Variants in CAMTA1 observed in about 807,000 individuals in gnomAD.
CAMTA1 encodes calmodulin binding transcription activator 1.
In CAMTA1, 27 loss-of-function variants were observed where a neutral mutation model predicts 170.9. The ratio of observed to expected loss-of-function variants is 0.16; its 90% CI spans 0.12 to 0.22. The LOEUF (loss-of-function observed/expected upper bound fraction) is 0.22. CAMTA1 is among the 10% of genes least tolerant of loss of function. The pLI, the probability that CAMTA1 is intolerant of heterozygous loss-of-function variation, is 1.00. For missense variants in CAMTA1, 1,619 were observed against 2,217.2 expected, an observed-to-expected ratio of 0.73 and a Z score of 5.42; for synonymous variants, 833 against 891.5, an observed-to-expected ratio of 0.93 and a Z score of 1.17.
intron 3 of CAMTA1, among the ~76,000 whole-genome samples, chr1:6,856,013 C>G (rs1417949748): frequency 1.3e-5 from 2 of 152,190 alleles, no homozygotes; most frequent in Admixed American, 6.5e-5. Flanking sequence ...GGGCGCCACA[C>G]AAAAGCTCTT....
chr1:7,447,819 A>G (rs2092718022), intron 5 of CAMTA1, among the ~76,000 whole-genome samples: 1 of 152,222 alleles, frequency 6.6e-6, no homozygotes, highest in Non-Finnish European at 1.5e-5. Flanking sequence ...TCCCATGAGC[A>G]TTCCAGGTGG....
intron 6 of CAMTA1, among the ~76,000 whole-genome samples, chr1:7,546,575 C>T (rs1300266510): frequency 2.6e-5 from 4 of 152,166 alleles, no homozygotes; most frequent in Non-Finnish European, 2.9e-5. Flanking sequence ...TGAAGAATTG[C>T]CCCACTGTCT....
At chr1:6,945,374 G>A (rs900052680) in intron 3 of CAMTA1, among the ~76,000 whole-genome samples, 3 of 151,882 alleles carry the variant, frequency 2.0e-5, no homozygotes, top group African/African-American at 7.3e-5. Context: ...TTGTGTGTGT[G>A]TGACAGGGTC....
chr1:7,493,382 A>AACACGTGCACAC (rs569852189), intron 6 of CAMTA1, among the ~76,000 whole-genome samples: 1,997 of 27,446 alleles, frequency 0.073, 401 homozygotes, highest in Non-Finnish European at 0.083. Flanking sequence ...CGCACACACA[A>AACACGTGCACAC]ACAAACACGT....
At chr1:7,610,650 C>T (rs1345409999) in intron 6 of CAMTA1, among the ~76,000 whole-genome samples, 1 of 152,232 alleles carries the variant, frequency 6.6e-6, no homozygotes, top group Non-Finnish European at 1.5e-5. Flanking sequence ...ACCCTGACCC[C>T]AGGGAAGGGA....
intron 6 of CAMTA1, among the ~76,000 whole-genome samples, chr1:7,583,473 G>C (rs967737795): frequency 6.6e-6 from 1 of 152,120 alleles, no homozygotes; most frequent in African/African-American, 2.4e-5. Flanking sequence ...TAACTGCTGG[G>C]GCTGTCCTCT....
chr1:7,402,338 C>G (rs2089964913), intron 5 of CAMTA1, among the ~76,000 whole-genome samples: 1 of 152,174 alleles, frequency 6.6e-6, no homozygotes, highest in South Asian at 2.1e-4. Context: ...TCTTTCTCCC[C>G]TCACCTTTCT....
At chr1:6,843,419 T>G (rs1249491597) in intron 3 of CAMTA1, among the ~76,000 whole-genome samples, 1 of 152,220 alleles carries the variant, frequency 6.6e-6, no homozygotes, top group Non-Finnish European at 1.5e-5. Context: ...AACTTTGTGT[T>G]TTTGGTTTGG....
intron 4 of CAMTA1, among the ~76,000 whole-genome samples, chr1:7,197,297 G>A (rs573476232): frequency 7.9e-5 from 12 of 152,296 alleles, no homozygotes; most frequent in Middle Eastern, 3.4e-3. Flanking sequence ...GGCCAAACAA[G>A]GGGCTCTGAA....
intron 3 of CAMTA1, among the ~76,000 whole-genome samples, chr1:6,968,571 G>A (rs1345936487): frequency 6.6e-6 from 1 of 152,180 alleles, no homozygotes; most frequent in Non-Finnish European, 1.5e-5. Context: ...GTTAGGGTAG[G>A]AGAGACAAGC....
rs1028256500 is a variant in CAMTA1, at chr1:7,547,594, G to C, written c.510+79693G>C. On this transcript the variant is annotated intron_variant, in intron 6 of 22. Coordinates refer to ENST00000303635, the MANE Select transcript of CAMTA1 (RefSeq NM_015215.4). This position sits in a 1 kb window ranked among gnomAD's most constrained non-coding sequence, Gnocchi z 5.7. ...GTAATCTAAAGATGATTTAAATCAA[G>C]CTTGTCCAACCCATGGCTTGTGGGC... Among the ~76,000 whole-genome samples, 40 of 152,178 alleles carry C rather than the reference G, an allele frequency of 2.6e-4. No individual in the cohort carries two copies. The highest frequency in any genetic ancestry group is 9.4e-4 in the African/African-American group (39 of 41,512).
chr1:7,614,292 CTTG>C (rs2095544456), intron 6 of CAMTA1, among the ~76,000 whole-genome samples: 1 of 152,076 alleles, frequency 6.6e-6, no homozygotes, highest in Non-Finnish European at 1.5e-5. Context: ...CATCCCCTCC[CTTG>C]TTGGAGCTCT....
intron 11 of CAMTA1, among the ~76,000 whole-genome samples, chr1:7,707,186 G>T (rs2096533211): frequency 6.6e-6 from 1 of 151,964 alleles, no homozygotes; most frequent in Admixed American, 6.6e-5. Flanking sequence ...GCCTGGCCCA[G>T]GCTTTTCTTT....
At chr1:6,849,755 C>T (rs537774647) in intron 3 of CAMTA1, among the ~76,000 whole-genome samples, 1 of 152,024 alleles carries the variant, frequency 6.6e-6, no homozygotes, top group Non-Finnish European at 1.5e-5. Context: ...TTAGGTTAGG[C>T]CGGATGTGGT....
At chr1:7,217,901 T>C (rs1660043966) in intron 4 of CAMTA1, among the ~76,000 whole-genome samples, 1 of 152,224 alleles carries the variant, frequency 6.6e-6, no homozygotes, top group Non-Finnish European at 1.5e-5. Flanking sequence ...TTTAGGTCCA[T>C]AATTAAATAT....
In CAMTA1 at chr1:7,284,404, A is replaced by G. The variant is rs189815963; in HGVS notation, c.438+34778A>G. Among the ~76,000 whole-genome samples, 1,218 of 152,042 alleles carry G rather than the reference A, an allele frequency of 8.0e-3. 10 individuals are homozygous for G. Among genetic ancestry groups the G allele is most frequent in the Non-Finnish European group, 0.012 (841 of 67,988 alleles). The stretch of plus-strand genomic sequence containing the variant: ...TTTTTAGTAGAGATGGGGTTTCGCC[A>G]TGTTAGCCAGGCTGGTCTTGAACTC... On this transcript the variant is annotated intron_variant, in intron 5 of 22. Coordinates refer to ENST00000303635, the MANE Select transcript of CAMTA1 (RefSeq NM_015215.4).
At chr1:7,283,708 C>T (rs1183727497) in intron 5 of CAMTA1, among the ~76,000 whole-genome samples, 1 of 152,204 alleles carries the variant, frequency 6.6e-6, no homozygotes, top group East Asian at 1.9e-4. Flanking sequence ...CTCTATCACC[C>T]CCTTGTCCAA....
chr1:7,441,960 T>C (rs1389606112), intron 5 of CAMTA1, among the ~76,000 whole-genome samples: 1 of 152,128 alleles, frequency 6.6e-6, no homozygotes, highest in Non-Finnish European at 1.5e-5. Flanking sequence ...TCCGGCGGTT[T>C]CAGAGGGCTG....
At position 7,438,334 on chromosome 1, in the gene CAMTA1, A is replaced by G. The variant is rs867920129; in HGVS notation, c.439-29496A>G. Among the ~76,000 whole-genome samples, 15 of 152,284 alleles carry G rather than the reference A, an allele frequency of 9.9e-5. No homozygotes were observed. In the South Asian group the frequency reaches 1.7e-3, roughly 17 times the overall value. On this transcript the variant is annotated intron_variant, in intron 5 of 22. Transcript: ENST00000303635. ...TCTGTTCTAGGGAAAACCCAGATAC[A>G]GCTTTCTTTGGAGTCTTTTAAATCC... is the stretch of plus-strand genomic sequence containing the variant.
Sources: allele counts gnomAD v4.1 joint callset (sites outside exome capture counted in the v4.1 genomes callset), GRCh38; gene constraint gnomAD v4.1.1; non-coding constraint Gnocchi (gnomAD v3.1); transcripts MANE v1.5; gene names NCBI Gene and HGNC (gene_info 2026-07-23, HGNC 2026-07-21).